The following ABCB9 variants were observed in gnomAD, a reference collection of about 807,000 sequenced individuals.
ABCB9 encodes the protein ABC-type oligopeptide transporter ABCB9.
In ABCB9, 36 loss-of-function variants were observed where a neutral mutation model predicts 62.0. The ratio of observed to expected loss-of-function variants is 0.58; its 90% confidence interval spans 0.45 to 0.77. ABCB9 has a LOEUF of 0.77. ABCB9 is among the 30% of genes least tolerant of loss of function. ABCB9 has a pLI of 0.00. For missense variants in ABCB9, 943 were observed against 1,054.7 expected (o/e 0.89, Z 1.47); for synonymous variants, 435 against 461.4 (o/e 0.94, Z 0.73).
At position 122,937,815 on chromosome 12, in the gene ABCB9, TCCC is replaced by T. The variant is rs369497287; in HGVS notation, c.1743+2293_1743+2295del. 3.7e-3 allele frequency among the ~76,000 whole-genome samples: 570 copies of T among 152,316 alleles called. 2 individuals carry two copies. The highest frequency in any genetic ancestry group is 0.013 in the African/African-American group (553 of 41,558). ...TTTATGTTGATGATGTAAACGGTGCTCCCTTAATAGTTTATATTTCTTGGACAG... is the reference window on the plus strand; with the variant it reads ...TTTATGTTGATGATGTAAACGGTGCTTTAATAGTTTATATTTCTTGGACAG... On this transcript the variant is annotated intron_variant, in intron 9 of 11. Transcript: ENST00000280560.
Position 122,959,884 on chromosome 12 carries a change from C to T in ABCB9, c.352G>A (p.Ala118Thr). 1.2e-6 allele frequency: 2 copies of T among 1,613,528 alleles called. No individual in the cohort carries two copies. Among genetic ancestry groups the T allele is most frequent in the Non-Finnish European group, 1.7e-6 (2 of 1,179,894 alleles). Residue 118 changes from alanine (A) to threonine (T), a missense_variant, in exon 2 of 12, where the codon GCC becomes ACC. Ala to Thr is a moderately conservative substitution (Grantham distance 58). Transcript: ENST00000280560. The surrounding 1 kb of genome is among the most constrained non-coding windows in gnomAD (Gnocchi z 5.4). ...GAAATGTACGTCCACACGAACAGGG[C>T]CCAAAACCAGGGGTCCCGGATGGGC... ...RRPIRDPWFW[A>T]LFVWTYISLG...
intron 2 of ABCB9, among the ~76,000 whole-genome samples, chr12:122,955,945 C>A (rs1300185765): frequency 6.6e-6 from 1 of 152,166 alleles, no homozygotes; most frequent in African/African-American, 2.4e-5. Flanking sequence ...CTCCTAACCT[C>A]AGGTGATCTG....
At chr12:122,922,757 C>T (rs1043968020) in intron 11 of ABCB9, among the ~76,000 whole-genome samples, 14 of 151,988 alleles carry the variant, frequency 9.2e-5, no homozygotes, top group Non-Finnish European at 2.9e-5. Context: ...CAAACTCCAA[C>T]ATGAATTGGT....
At position 122,940,760 on chromosome 12, in the gene ABCB9, G is replaced by C; in HGVS notation, c.1569+47C>G. 1 of 1,512,502 alleles carries C rather than the reference G, an allele frequency of 6.6e-7. No homozygotes were observed. Among genetic ancestry groups the C allele is most frequent in the Non-Finnish European group, 8.9e-7 (1 of 1,121,376 alleles). The allele number at this position is 1,512,502 out of a possible 1,614,324, so 93.7% of individuals were successfully genotyped here. ...GTGTATAGGAGGTGCACCAGAAATG[G>C]GGTGACGGAAAGGCTGATTCTGGCA... is the stretch of plus-strand genomic sequence containing the variant. On this transcript the variant is annotated intron_variant, in intron 8 of 11. Coordinates refer to ENST00000280560, the MANE Select transcript of ABCB9 (RefSeq NM_019625.4). This position sits in a 1 kb window ranked among gnomAD's most constrained non-coding sequence, Gnocchi z 4.8.
chr12:122,951,615 G>C (rs1340461740), intron 2 of ABCB9: 3 of 152,102 alleles, frequency 2.0e-5, no homozygotes, highest in Non-Finnish European at 4.4e-5. Context: ...CTTCTCAATG[G>C]GTTCAGAGTC....
intron 9 of ABCB9, among the ~76,000 whole-genome samples, chr12:122,938,612 A>C (rs1387065124): frequency 6.6e-6 from 1 of 151,400 alleles, no homozygotes; most frequent in Non-Finnish European, 1.5e-5. Context: ...GTGGATCACG[A>C]GGTCAGGAGA....
chr12:122,945,992 C>G (rs369585928), intron 6 of ABCB9, 33 bp downstream of exon 6: 2 of 1,608,202 alleles, frequency 1.2e-6, no homozygotes, highest in Non-Finnish European at 1.7e-6. Flanking sequence ...CCCATCCCTC[C>G]ACAGCCAGAG....
chr12:122,943,322 C>T (rs1001392668), intron 7 of ABCB9, among the ~76,000 whole-genome samples: 1 of 152,194 alleles, frequency 6.6e-6, no homozygotes, highest in East Asian at 1.9e-4. Context: ...CCTGAGATCA[C>T]CTCCCAAACA....
At chr12:122,923,945 G>T (rs2034821595) in intron 11 of ABCB9, among the ~76,000 whole-genome samples, 1 of 152,178 alleles carries the variant, frequency 6.6e-6, no homozygotes, top group Admixed American at 6.6e-5. Flanking sequence ...AGCTGCAGCA[G>T]ATAGCAGGGG....
rs2036087466 is a variant in ABCB9, at chr12:122,947,171, C to T, written c.1054-949G>A. On this transcript the variant is annotated intron_variant, in intron 5 of 11. Transcript: ENST00000280560. The surrounding 1 kb of genome is among the most constrained non-coding windows in gnomAD (Gnocchi z 6.0). ...CCTGCAGTGCACACAGAGGTGGGGG[C>T]TGAGGGGGAGCTCCAGGGTTTCTTG... Among the ~76,000 whole-genome samples, 1 of 152,308 alleles carries T rather than the reference C, an allele frequency of 6.6e-6. No homozygotes were observed. Among genetic ancestry groups the T allele is most frequent in the Non-Finnish European group, 1.5e-5 (1 of 68,000 alleles).
rs1328684238 is a variant in ABCB9 at position 122,929,571 on chromosome 12, T to A, written c.*340A>T. ...TGAAAGTGCCCGCCATTACTCCCAA[T>A]TAGAAAAAGGTTTTTGAAATCTAGG... On this transcript the variant is annotated 3_prime_UTR_variant, in exon 12 of 12. Transcript: ENST00000280560. The surrounding 1 kb of genome is among the most constrained non-coding windows in gnomAD (Gnocchi z 6.0). 1 of 1,095,128 alleles carries A rather than the reference T, an allele frequency of 9.1e-7. No homozygotes were observed. Among genetic ancestry groups the A allele is most frequent in the Non-Finnish European group, 1.1e-6 (1 of 901,504 alleles). 67.8% of individuals were successfully genotyped at this position (1,095,128 alleles called of 1,614,324 possible).
rs1233184855 is a variant in ABCB9, at chr12:122,947,148, T to G, written c.1054-926A>C. Among the ~76,000 whole-genome samples the G allele has an allele frequency of 2.6e-5, 4 of 152,286 alleles. No homozygotes were observed. The highest frequency in any genetic ancestry group is 9.6e-5 in the African/African-American group (4 of 41,560). On this transcript the variant is annotated intron_variant, in intron 5 of 11. Transcript: ENST00000280560. This position sits in a 1 kb window ranked among gnomAD's most constrained non-coding sequence, Gnocchi z 6.0. ...CTTAGCTGAACTAAAAGGCAGGGCC[T>G]GCAGTGCACACAGAGGTGGGGGCTG...
At chr12:122,937,316 G>A (rs2035508674) in intron 9 of ABCB9, among the ~76,000 whole-genome samples, 1 of 151,202 alleles carries the variant, frequency 6.6e-6, no homozygotes, top group African/African-American at 2.4e-5. Flanking sequence ...CCGAGATCAT[G>A]CCACAGCACT....
upstream of ABCB9, chr12:122,966,575 G>A (rs1029938990): frequency 1.1e-4 from 16 of 151,962 alleles, no homozygotes; most frequent in African/African-American, 3.9e-4. Context: ...GCCTCAGGAG[G>A]AGTGGGCGGG....
chr12:122,948,888 G>C, intron 4 of ABCB9, 59 bp from the exon 5 acceptor site: 2 of 1,428,142 alleles, frequency 1.4e-6, no homozygotes, highest in South Asian at 3.0e-5. Context: ...GGTGGCGGTG[G>C]GGGATGCTAA....
At chr12:122,969,095 C>T (rs572134217), upstream of ABCB9, among the ~76,000 whole-genome samples, 1 of 152,114 alleles carries the variant, frequency 6.6e-6, no homozygotes, top group South Asian at 2.1e-4. Context: ...AGGCTGTCAG[C>T]CTTGTGACAA....
chr12:122,941,091 G>C (rs2035741654), intron 7 of ABCB9, 96 bp from the exon 8 acceptor site: 2 of 1,372,258 alleles, frequency 1.5e-6, no homozygotes, highest in African/African-American at 2.9e-5. Context: ...GGAAAGCAAG[G>C]AGTTCTGGCG....
In ABCB9 at chr12:122,932,676, TG is replaced by T. The variant is rs1181226950; in HGVS notation, c.1904-349del. On this transcript the variant is annotated intron_variant, in intron 10 of 11. Coordinates refer to ENST00000280560, the MANE Select transcript of ABCB9 (RefSeq NM_019625.4). The surrounding 1 kb of genome is among the most constrained non-coding windows in gnomAD (Gnocchi z 4.7). ...GCTTGAAGAGCTGCAGCAATAACCC[TG>T]GGTCTATGAGTCTGTGCAGTGCAAA... Among the ~76,000 whole-genome samples, 12 of 152,126 alleles carry T rather than the reference TG, an allele frequency of 7.9e-5. No individual in the cohort carries two copies. The highest frequency in any genetic ancestry group is 7.2e-4 in the Admixed American group (11 of 15,270).
chr12:122,965,048 G>C (rs1223150562), intron 1 of ABCB9, among the ~76,000 whole-genome samples: 1 of 152,202 alleles, frequency 6.6e-6, no homozygotes, highest in East Asian at 1.9e-4. Context: ...CTGCAACAGA[G>C]ACCCTTCACC....
Sources: gnomAD v4.1 joint callset for allele counts (sites outside exome capture counted in the v4.1 genomes callset) on GRCh38, gnomAD v4.1.1 for gene constraint, Gnocchi (gnomAD v3.1) non-coding constraint, MANE v1.5 for transcripts, NCBI Gene and HGNC (gene_info 2026-07-23, HGNC 2026-07-21) for gene names.